SYBU: variants seen among roughly 807,000 people sequenced by gnomAD.
SYBU encodes the protein GOLSYN A protein.
SYBU carries 21 observed loss-of-function variants against 35.9 expected under a neutral mutation model. That is an observed-to-expected ratio of 0.58 (90% CI 0.41 to 0.84). The LOEUF (loss-of-function observed/expected upper bound fraction) is 0.84, where lower values mean the gene tolerates loss of function less well. Among genes scored for constraint, SYBU ranks in the 40% least tolerant of loss-of-function variants. SYBU has a pLI of 0.00. For synonymous variants in SYBU, 319 were observed against 324.3 expected (o/e 0.98, Z 0.18); for missense variants, 768 against 848.2 (o/e 0.91, Z 1.17).
intron 1 of SYBU, among the ~76,000 whole-genome samples, chr8:109,675,392 GC>G (rs1476547010): frequency 1.4e-4 from 21 of 152,062 alleles, no homozygotes; most frequent in African/African-American, 3.9e-4. Context: ...TAGACTGCTA[GC>G]CAGACTAATA....
chr8:109,642,067 A>G (rs375322044), intron 2 of SYBU, among the ~76,000 whole-genome samples: 74 of 152,370 alleles, frequency 4.9e-4, no homozygotes, highest in African/African-American at 1.7e-3. Flanking sequence ...ATGCCCATCA[A>G]TGATAGACTG....
rs1275439645 is a variant in SYBU, at chr8:109,668,150, C to CAGAGGGAG, written c.-129+12560_-129+12561insCTCCCTCT. On this transcript the variant is annotated intron_variant, in intron 1 of 5. Coordinates refer to the SYBU transcript ENST00000408889. ...GAGGGAGGGGGGAAGGAAGAAGAGG[C>CAGAGGGAG]AGAGGGGGAGAGGGGGAGAGAGAGA... Among the ~76,000 whole-genome samples, 338 of 41,810 alleles carry CAGAGGGAG rather than the reference C, an allele frequency of 8.1e-3. 8 individuals carry two copies. The highest frequency in any genetic ancestry group is 0.036 in the African/African-American group (323 of 9,052). 27.4% of individuals were successfully genotyped at this position (41,810 alleles called of 152,430 possible). A position where few individuals can be genotyped will look rare whatever the true frequency, so the allele number is the denominator to read the frequency against.
chr8:109,576,046 A>T lies in SYBU; in HGVS notation c.885-33T>A, dbSNP rs756211087. The T allele has an allele frequency of 5.3e-5, 44 of 829,256 alleles. No homozygotes were observed. In the African/African-American group the frequency reaches 3.1e-3, roughly 59 times the overall value. 51.4% of individuals were successfully genotyped at this position (829,256 alleles called of 1,614,324 possible). A position where few individuals can be genotyped will look rare whatever the true frequency, so the allele number is the denominator to read the frequency against. On this transcript the variant is annotated intron_variant, in intron 6 of 6. Transcript: ENST00000276646. ...GCCAAGACAAGCATGGTTAATTAAA[A>T]AAAAAAAAAAAAAAAAAAAAAAAAC...
intron 1 of SYBU, among the ~76,000 whole-genome samples, chr8:109,664,290 T>C (rs1298890154): frequency 6.6e-6 from 1 of 152,074 alleles, no homozygotes; most frequent in Non-Finnish European, 1.5e-5. Flanking sequence ...AGGGTGTAGG[T>C]CATTTTATGA....
intron 1 of SYBU, among the ~76,000 whole-genome samples, chr8:109,663,027 G>C (rs748369659): frequency 1.5e-4 from 23 of 151,996 alleles, no homozygotes; most frequent in Non-Finnish European, 2.9e-5. Flanking sequence ...TATTTAAATG[G>C]GTCATTAAGA....
chr8:109,586,406 C>A, intron 3 of SYBU: 1 of 490,684 alleles, frequency 2.0e-6, no homozygotes, highest in Non-Finnish European at 3.6e-6. Flanking sequence ...AGAGGCCAGT[C>A]TTCCTGCAGA....
At chr8:109,673,420 C>T (rs1279066993) in intron 1 of SYBU, among the ~76,000 whole-genome samples, 3 of 152,078 alleles carry the variant, frequency 2.0e-5, no homozygotes, top group East Asian at 1.9e-4. Flanking sequence ...CAGCCAACTC[C>T]GGCAGACCTG....
In SYBU at chr8:109,678,434, C is replaced by CTT. The variant is rs10717299; in HGVS notation, c.-129+2275_-129+2276dup. On this transcript the variant is annotated intron_variant, in intron 1 of 5. Transcript: ENST00000408889. ...GGGTGGAAGAGCAGTTTCAAATAAC[C>CTT]TTTTTTTTTTTTTTTTTTTTTTTTG... 4.0e-3 allele frequency among the ~76,000 whole-genome samples: 236 copies of CTT among 58,348 alleles called. 1 individual carries two copies. Among genetic ancestry groups the CTT allele is most frequent in the Middle Eastern group, 0.014 (1 of 70 alleles). 38.3% of individuals were successfully genotyped at this position (58,348 alleles called of 152,430 possible).
chr8:109,656,711 C>T (rs1214560261), intron 1 of SYBU, among the ~76,000 whole-genome samples: 1 of 152,030 alleles, frequency 6.6e-6, no homozygotes, highest in African/African-American at 2.4e-5. Context: ...TTGCTGTGTA[C>T]CAAGAACTCT....
intron 1 of SYBU, among the ~76,000 whole-genome samples, chr8:109,676,313 A>G (rs1817188462): frequency 6.6e-6 from 1 of 152,180 alleles, no homozygotes; most frequent in Non-Finnish European, 1.5e-5. Flanking sequence ...AAAGAAATAA[A>G]GGGTATTCAA....
intron 2 of SYBU, among the ~76,000 whole-genome samples, chr8:109,625,423 AATG>A (rs1812882334): frequency 6.6e-6 from 1 of 152,128 alleles, no homozygotes; most frequent in African/African-American, 2.4e-5. Context: ...TCACTTTTAA[AATG>A]TGTTTGTTTA....
chr8:109,598,335 A>G (rs1825127247), intron 3 of SYBU, among the ~76,000 whole-genome samples: 1 of 152,264 alleles, frequency 6.6e-6, no homozygotes, highest in Non-Finnish European at 1.5e-5. Context: ...GGTACTAACC[A>G]TGCTGCATGT....
intron 1 of SYBU, among the ~76,000 whole-genome samples, chr8:109,689,962 A>AT (rs1163438290): frequency 2.0e-5 from 3 of 151,772 alleles, no homozygotes; most frequent in East Asian, 3.9e-4. Context: ...TTTTGGACCC[A>AT]TTTTTTGTTT....
intron 3 of SYBU, chr8:109,607,785 C>T (rs1298115171): frequency 5.8e-6 from 3 of 513,634 alleles, no homozygotes; most frequent in Non-Finnish European, 6.9e-6. Flanking sequence ...TTTTAGGCTC[C>T]ATTTTGGCCT....
chr8:109,603,507 C>T (rs1586801755), intron 3 of SYBU: 1 of 497,096 alleles, frequency 2.0e-6, no homozygotes, highest in Non-Finnish European at 2.6e-6. Context: ...TCTGCCCCAC[C>T]CCCCTACACA....
At chr8:109,647,682 T>C (rs764159234), upstream of SYBU, 2 of 152,216 alleles carry the variant, frequency 1.3e-5, no homozygotes, top group Non-Finnish European at 1.5e-5. Flanking sequence ...TAGATACAAC[T>C]TGTTTTGAAA....
At chr8:109,661,851 C>G (rs185495434) in intron 1 of SYBU, among the ~76,000 whole-genome samples, 1 of 152,158 alleles carries the variant, frequency 6.6e-6, no homozygotes, top group Non-Finnish European at 1.5e-5. Flanking sequence ...AACTTTATTA[C>G]CCCAAGAAAT....
chr8:109,659,732 C>CA (rs1478741210), intron 1 of SYBU, among the ~76,000 whole-genome samples: 2 of 152,104 alleles, frequency 1.3e-5, no homozygotes, highest in African/African-American at 4.8e-5. Flanking sequence ...CCTTTCCCCC[C>CA]AAATCTTATA....
In SYBU at chr8:109,584,197, T is replaced by C. The variant is rs1225731670; in HGVS notation, c.530+1863A>G. ...CATCTATTAATTTTTGTTAAACCTTTGAAGTCTATTATTGCTTGGCTATAA... is the reference window on the plus strand; with the variant it reads ...CATCTATTAATTTTTGTTAAACCTTCGAAGTCTATTATTGCTTGGCTATAA... On this transcript the variant is annotated intron_variant, in intron 4 of 6. Transcript: ENST00000276646. The surrounding 1 kb of genome is among the most constrained non-coding windows in gnomAD (Gnocchi z 4.0). 1.3e-5 allele frequency among the ~76,000 whole-genome samples: 2 copies of C among 152,218 alleles called. No individual in the cohort carries two copies. Among genetic ancestry groups the C allele is most frequent in the African/African-American group, 4.8e-5 (2 of 41,454 alleles).
Sources: allele counts gnomAD v4.1 joint callset (sites outside exome capture counted in the v4.1 genomes callset), GRCh38; gene constraint gnomAD v4.1.1; non-coding constraint Gnocchi (gnomAD v3.1); transcripts MANE v1.5; gene names NCBI Gene and HGNC (gene_info 2026-07-23, HGNC 2026-07-21).